Variants in CNTNAP2 observed in about 807,000 individuals in gnomAD.
CNTNAP2 encodes contactin-associated protein-like 2.
A neutral mutation model predicts 155.2 loss-of-function variants in CNTNAP2; 98 were observed. The observed-to-expected ratio is 0.63, with a 90% CI of 0.54 to 0.75. CNTNAP2 has a LOEUF of 0.75. Ranked by LOEUF, CNTNAP2 falls within the 30% of genes least tolerant of loss-of-function variation. CNTNAP2 has a pLI of 0.00. For synonymous variants in CNTNAP2, 651 were observed against 631.2 expected, an observed-to-expected ratio of 1.03 and a Z score of -0.47; for missense variants, 1,727 against 1,688.1, an observed-to-expected ratio of 1.02 and a Z score of -0.40.
chr7:147,202,592 C>T (rs1015342786), intron 8 of CNTNAP2, among the ~76,000 whole-genome samples: 2 of 152,026 alleles, frequency 1.3e-5, no homozygotes, highest in Non-Finnish European at 2.9e-5. Context: ...AAATGTGGCA[C>T]ATATACACCA....
At chr7:146,170,129 C>A (rs1798369196) in intron 1 of CNTNAP2, among the ~76,000 whole-genome samples, 1 of 150,840 alleles carries the variant, frequency 6.6e-6, no homozygotes, top group Admixed American at 6.6e-5. Context: ...TGGGTTCAAG[C>A]AATTCTCATG....
At chr7:147,939,330 T>A (rs1250439601) in intron 14 of CNTNAP2, among the ~76,000 whole-genome samples, 1 of 117,786 alleles carries the variant, frequency 8.5e-6, no homozygotes, top group Non-Finnish European at 2.2e-5. Flanking sequence ...CATGTAGGAT[T>A]TTTTTTTTTA....
intron 14 of CNTNAP2, among the ~76,000 whole-genome samples, chr7:147,945,692 T>C (rs1800808012): frequency 3.1e-5 from 2 of 63,554 alleles, no homozygotes; most frequent in Admixed American, 4.3e-4. Flanking sequence ...AAAGCCTTTA[T>C]ATATATATAT....
chr7:146,336,742 T>C (rs1196932622), intron 1 of CNTNAP2, among the ~76,000 whole-genome samples: 1 of 152,196 alleles, frequency 6.6e-6, no homozygotes, highest in African/African-American at 2.4e-5. Flanking sequence ...CATGAAATAC[T>C]GCTCAGCAAA....
In CNTNAP2 at chr7:148,366,335, C is replaced by T. The variant is rs140866879; in HGVS notation, c.3476-17314C>T. ...GTATACATTATGTATACATATCTGT[C>T]AAGCATAATGTCAGAATTAGCAATA... On this transcript the variant is annotated intron_variant, in intron 21 of 23. Coordinates refer to ENST00000361727, the MANE Select transcript of CNTNAP2 (RefSeq NM_014141.6). 7.0e-4 allele frequency among the ~76,000 whole-genome samples: 83 copies of T among 117,946 alleles called. 1 individual carries two copies. Among genetic ancestry groups the T allele is most frequent in the African/African-American group, 2.1e-3 (79 of 36,768 alleles). 77.4% of individuals were successfully genotyped at this position (117,946 alleles called of 152,430 possible). A position where few individuals can be genotyped will look rare whatever the true frequency, so the allele number is the denominator to read the frequency against.
chr7:146,984,450 T>A (rs1230207024), intron 3 of CNTNAP2, among the ~76,000 whole-genome samples: 1 of 152,138 alleles, frequency 6.6e-6, no homozygotes, highest in Admixed American at 6.5e-5. Context: ...GTTTTCACTT[T>A]ATTTTTTTTT....
chr7:146,814,914 C>T (rs915797468), intron 2 of CNTNAP2, among the ~76,000 whole-genome samples: 2 of 152,078 alleles, frequency 1.3e-5, no homozygotes, highest in Admixed American at 1.3e-4. Flanking sequence ...ACGAATGTAA[C>T]ATTTCCTGAG....
At chr7:146,604,541 A>T (rs1449752804) in intron 1 of CNTNAP2, among the ~76,000 whole-genome samples, 1 of 69,916 alleles carries the variant, frequency 1.4e-5, no homozygotes, top group African/African-American at 5.5e-5. Flanking sequence ...CTAGAACTAG[A>T]AATACCATTT....
At chr7:148,339,257 G>GA (rs11454206) in intron 21 of CNTNAP2, among the ~76,000 whole-genome samples, 39,010 of 140,694 alleles carry the variant, frequency 0.28, 5,766 homozygotes, top group African/African-American at 0.42. Context: ...CCCAAACATC[G>GA]AAAAAAAAAA....
In CNTNAP2 at chr7:146,339,967, G is replaced by A. The variant is rs903948100; in HGVS notation, c.97+222994G>A. Among the ~76,000 whole-genome samples, 6 of 151,880 alleles carry A rather than the reference G, an allele frequency of 4.0e-5. No homozygotes were observed. In the South Asian group the frequency reaches 8.3e-4, roughly 21 times the overall value. The stretch of plus-strand genomic sequence containing the variant: ...GGGCGGATCACGAGGTCAGGAGATC[G>A]AAACCATCCGGCTAACACGGTGAAA... On this transcript the variant is annotated intron_variant, in intron 1 of 23. Coordinates refer to ENST00000361727, the MANE Select transcript of CNTNAP2 (RefSeq NM_014141.6).
At chr7:148,189,527 C>T (rs553393196) in intron 18 of CNTNAP2, among the ~76,000 whole-genome samples, 3 of 152,164 alleles carry the variant, frequency 2.0e-5, no homozygotes, top group Admixed American at 6.5e-5. Context: ...TGGTGAGGGC[C>T]CTCTTCTGGG....
intron 13 of CNTNAP2, among the ~76,000 whole-genome samples, chr7:147,816,546 T>C (rs2116614570): frequency 6.6e-6 from 1 of 152,308 alleles, no homozygotes; most frequent in East Asian, 1.9e-4. Flanking sequence ...TTAAAAATAA[T>C]GGAGATGGTT....
At chr7:147,313,430 A>G (rs1368155306) in intron 9 of CNTNAP2, among the ~76,000 whole-genome samples, 2 of 150,980 alleles carry the variant, frequency 1.3e-5, no homozygotes, top group African/African-American at 2.4e-5. Context: ...ATCTTGAATT[A>G]ATTTTTGTGT....
intron 1 of CNTNAP2, among the ~76,000 whole-genome samples, chr7:146,161,460 G>A (rs1022753368): frequency 3.9e-5 from 6 of 152,184 alleles, no homozygotes; most frequent in Admixed American, 3.9e-4. Flanking sequence ...TGCAAGAGAT[G>A]TTAAGGACCT....
At chr7:146,619,401 G>A (rs978168044) in intron 1 of CNTNAP2, among the ~76,000 whole-genome samples, 5 of 151,964 alleles carry the variant, frequency 3.3e-5, no homozygotes, top group African/African-American at 1.2e-4. Context: ...AGGTGGGAGA[G>A]GGTTAAAATT....
intron 13 of CNTNAP2, among the ~76,000 whole-genome samples, chr7:147,881,193 T>TA (rs1317618588): frequency 3.3e-5 from 5 of 152,156 alleles, no homozygotes; most frequent in Non-Finnish European, 4.4e-5. Context: ...CACAAATAGA[T>TA]ACATGTGTTT....
chr7:147,316,547 G>A (rs2620450), intron 9 of CNTNAP2, among the ~76,000 whole-genome samples: 74,679 of 151,934 alleles, frequency 0.49, 19,510 homozygotes, highest in East Asian at 0.73. Context: ...TTATTTATGT[G>A]GAGATGATAC....
chr7:147,695,663 T>C (rs1333544832), intron 13 of CNTNAP2, among the ~76,000 whole-genome samples: 1 of 151,858 alleles, frequency 6.6e-6, no homozygotes, highest in Non-Finnish European at 1.5e-5. Context: ...ATAGCTAGGC[T>C]TGGTGGTGCA....
At chr7:146,227,243 T>C (rs1204026192) in intron 1 of CNTNAP2, among the ~76,000 whole-genome samples, 3 of 151,780 alleles carry the variant, frequency 2.0e-5, no homozygotes, top group Non-Finnish European at 4.4e-5. Context: ...CTGAACGATA[T>C]AGTAAAACCC....
Sources: gnomAD v4.1 joint callset for allele counts (sites outside exome capture counted in the v4.1 genomes callset) on GRCh38, gnomAD v4.1.1 for gene constraint, MANE v1.5 for transcripts, NCBI Gene and HGNC (gene_info 2026-07-23, HGNC 2026-07-21) for gene names.